The following LCA5L variants were observed in gnomAD, a reference collection of about 807,000 sequenced individuals.
LCA5L encodes the protein lebercilin LCA5 like, also known as lebercilin-like protein.
LCA5L carries 35 observed loss-of-function variants against 45.4 expected under a neutral mutation model. That is an observed-to-expected ratio of 0.77 (90% confidence interval 0.59 to 1.02). The LOEUF (loss-of-function observed/expected upper bound fraction) is 1.02. Ranked by LOEUF, LCA5L falls within the 50% of genes least tolerant of loss-of-function variation. The pLI is 0.00. For missense variants in LCA5L, 668 were observed against 761.6 expected (o/e 0.88, Z 1.45); for synonymous variants, 233 against 264.7 (o/e 0.88, Z 1.16).
chr21:39,411,695 G>A (rs201295193), intron 8 of LCA5L, 23 bp downstream of exon 8: 351 of 1,224,270 alleles, frequency 2.9e-4, no homozygotes, highest in Non-Finnish European at 3.7e-4. Context: ...AATAGATTTT[G>A]AGCAAAAGTA....
intron 8 of LCA5L, chr21:39,410,826 T>C: frequency 2.1e-6 from 1 of 471,094 alleles, no homozygotes. Flanking sequence ...GGTTGATTCA[T>C]TGTCTCTATT....
intron 4 of LCA5L, 95 bp from the exon 5 acceptor site, chr21:39,428,598 ATT>A (rs550342233): frequency 0.013 from 406 of 31,908 alleles, 2 homozygotes; most frequent in East Asian, 0.023. Flanking sequence ...ATATATATAT[ATT>A]TTTTTTTTTT....
Position 39,411,743 on chromosome 21 carries a change from T to TAA in LCA5L, c.1033_1034dup (p.Leu345PhefsTer29). ...CTTTTGGATAGTCCTCTGTGTCATG[T>TAA]AAATTTTTAAGTATTCGATGACTAT... On this transcript the variant is annotated frameshift_variant, in exon 8 of 11. Transcript: ENST00000288350. LOFTEE classifies it high-confidence loss of function. 1 of 1,571,394 alleles carries TAA rather than the reference T, an allele frequency of 6.4e-7. No homozygotes were observed. The highest frequency in any genetic ancestry group is 2.2e-5 in the East Asian group (1 of 44,544).
At chr21:39,427,484 A>T (rs1315754035) in intron 5 of LCA5L, among the ~76,000 whole-genome samples, 2 of 151,986 alleles carry the variant, frequency 1.3e-5, no homozygotes, top group Non-Finnish European at 2.9e-5. Flanking sequence ...AACACGGTGA[A>T]ACCCTGTCTC....
chr21:39,414,742 C>CTGTGTGTGTGTGTGTG (rs66478742), intron 7 of LCA5L, among the ~76,000 whole-genome samples: 26 of 99,222 alleles, frequency 2.6e-4, no homozygotes, highest in African/African-American at 7.0e-4. Flanking sequence ...CTCTCTCTCT[C>CTGTGTGTGTGTGTGTG]TGTGTGTGTG....
intron 7 of LCA5L, among the ~76,000 whole-genome samples, chr21:39,417,987 C>G (rs2041579527): frequency 6.6e-6 from 1 of 152,114 alleles, no homozygotes; most frequent in Non-Finnish European, 1.5e-5. Context: ...AGGATTGTCT[C>G]CATCTCCTGA....
At chr21:39,426,478 A>C (rs528195316) in intron 5 of LCA5L, among the ~76,000 whole-genome samples, 1 of 152,320 alleles carries the variant, frequency 6.6e-6, no homozygotes, top group Admixed American at 6.5e-5. Context: ...CCTTGGAACC[A>C]GACTGTTTCA....
At position 39,429,213 on chromosome 21, in the gene LCA5L, T is replaced by A. The variant is rs1383492153; in HGVS notation, c.-91-2A>T. ...CTTTTCATTTAATTCTCAATTCTCC[T>A]GTTTTATCAAGAAAGCAAAAGAGAA... On this transcript the variant is annotated splice_acceptor_variant, in intron 3 of 10. Coordinates refer to ENST00000288350, the MANE Select transcript of LCA5L (RefSeq NM_152505.4). LOFTEE classifies it low-confidence loss of function (5UTR_SPLICE). The A allele has an allele frequency of 6.6e-6, 1 of 152,200 alleles. No homozygotes were observed. Among genetic ancestry groups the A allele is most frequent in the Non-Finnish European group, 1.5e-5 (1 of 68,032 alleles). The allele number at this position is 152,200 out of a possible 1,614,324, so 9.4% of individuals were successfully genotyped here.
Position 39,410,088 on chromosome 21 carries a change from CT to C in LCA5L, c.1172del (p.Lys391ArgfsTer15). 1.9e-6 allele frequency: 3 copies of C among 1,601,608 alleles called. No homozygotes were observed. The highest frequency in any genetic ancestry group is 1.7e-6 in the Non-Finnish European group (2 of 1,169,990). On this transcript the variant is annotated frameshift_variant, in exon 10 of 11. Coordinates refer to ENST00000288350, the MANE Select transcript of LCA5L (RefSeq NM_152505.4). LOFTEE classifies it high-confidence loss of function. Reference protein sequence around the residue: ...DVPPLTTKGKKATGNIDHKEK... With the variant: ...DVPPLTTKGKXATGNIDHKEK... ...CTTTATGATCGATGTTTCCTGTTGC[CT>C]TTTTACCCTGTAATTTAGAAAAGCA...
chr21:39,428,774 G>T (rs1569112811), intron 4 of LCA5L, among the ~76,000 whole-genome samples: 1 of 150,196 alleles, frequency 6.7e-6, no homozygotes, highest in Non-Finnish European at 1.5e-5. Context: ...CGTCACACCT[G>T]GCTAACTTAT....
chr21:39,411,649 C>T, intron 8 of LCA5L, 69 bp downstream of exon 8: 1 of 721,096 alleles, frequency 1.4e-6, no homozygotes, highest in Non-Finnish European at 2.3e-6. Flanking sequence ...ATTATTTTGT[C>T]TATATAAATT....
intron 6 of LCA5L, chr21:39,421,605 T>C (rs2073782213): frequency 6.6e-6 from 1 of 152,196 alleles, no homozygotes; most frequent in Non-Finnish European, 1.5e-5. Flanking sequence ...TGGAGAACTG[T>C]TAGATCTGGA....
chr21:39,426,032 C>G (rs1249928689), intron 5 of LCA5L: 1 of 152,214 alleles, frequency 6.6e-6, no homozygotes, highest in Admixed American at 6.5e-5. Flanking sequence ...GGACAAGGAA[C>G]ATGTAAGTGG....
At position 39,410,070 on chromosome 21, in the gene LCA5L, A is replaced by G. The variant is rs1304230211; in HGVS notation, c.1191T>C (p.Asp397=). 1.2e-5 allele frequency: 20 copies of G among 1,611,190 alleles called. No homozygotes were observed. The highest frequency in any genetic ancestry group is 1.7e-5 in the Non-Finnish European group (20 of 1,177,872). ...TTATTTCAGTTGATTTTTCTTTATG[A>G]TCGATGTTTCCTGTTGCCTTTTTAC... The part of the protein sequence containing the change: ...TKGKKATGNI[D]HKEKSTEINH... The change falls in exon 10 of 11, where the codon GAT becomes GAC. Residue 397 remains aspartate (D), a synonymous_variant. Coordinates refer to ENST00000288350, the MANE Select transcript of LCA5L (RefSeq NM_152505.4).
intron 5 of LCA5L, 69 bp from the exon 6 acceptor site, chr21:39,423,559 A>G: frequency 7.3e-7 from 1 of 1,362,456 alleles, no homozygotes; most frequent in South Asian, 1.5e-5. Flanking sequence ...ACATATGCAT[A>G]ATCTCTCTCC....
chr21:39,418,298 T>C (rs1166779357), intron 7 of LCA5L, among the ~76,000 whole-genome samples: 1 of 152,150 alleles, frequency 6.6e-6, no homozygotes, highest in Non-Finnish European at 1.5e-5. Flanking sequence ...TACCAGTGTA[T>C]CCTAGAGATT....
intron 9 of LCA5L, 54 bp downstream of exon 9, chr21:39,410,210 A>G: frequency 1.6e-6 from 2 of 1,284,366 alleles, no homozygotes; most frequent in South Asian, 2.5e-5. Context: ...ACTGTAGCCT[A>G]TTTTTGTTAA....
In LCA5L at chr21:39,423,085, T is replaced by C; in HGVS notation, c.728A>G (p.Gln243Arg). ...GTCTTCAGAAAGTTTCTGCAGTGCC[T>C]GCAAGATATCTTTAGTCTTCAGTAA... ...SQLLKTKDIL[Q>R]ALQKLSEDKN... Residue 243 changes from glutamine (Q) to arginine (R), a missense_variant, in exon 6 of 11, where the codon CAG becomes CGG. Transcript: ENST00000288350. 1.2e-6 allele frequency: 2 copies of C among 1,613,990 alleles called. No homozygotes were observed. The highest frequency in any genetic ancestry group is 1.7e-6 in the Non-Finnish European group (2 of 1,179,816).
In LCA5L at chr21:39,428,385, C is replaced by T. The variant is rs374126526; in HGVS notation, c.109G>A (p.Asp37Asn). ...AACKRSPGTG[D>N]FSRNSNASNK... ...GAAGCATTACTGTTCCGTGAAAAAT[C>T]GCCTGTGCCTGGGCTTCTCTTGCAT... is the stretch of plus-strand genomic sequence containing the variant. Residue 37 changes from aspartate (D) to asparagine (N), a missense_variant, in exon 5 of 11, where the codon GAT becomes AAT. Physicochemically the swap from Asp to Asn is conservative, Grantham distance 23. Transcript: ENST00000288350. 29 of 1,613,172 alleles carry T rather than the reference C, an allele frequency of 1.8e-5. No homozygotes were observed. Among genetic ancestry groups the T allele is most frequent in the Middle Eastern group, 1.6e-4 (1 of 6,082 alleles).
Sources: gnomAD v4.1 joint callset for allele counts (sites outside exome capture counted in the v4.1 genomes callset) on GRCh38, gnomAD v4.1.1 for gene constraint, MANE v1.5 for transcripts, NCBI Gene and HGNC (gene_info 2026-07-23, HGNC 2026-07-21) for gene names.